KCNJ6: variants seen among roughly 807,000 people sequenced by gnomAD.
KCNJ6 encodes G protein-activated inward rectifier potassium channel 2.
KCNJ6 carries 9 observed loss-of-function variants against 34.2 expected under a neutral mutation model. That is an observed-to-expected ratio of 0.26 (90% CI 0.16 to 0.46). The LOEUF (loss-of-function observed/expected upper bound fraction) is 0.46, where lower values mean the gene tolerates loss of function less well. KCNJ6 is among the 20% of genes least tolerant of loss of function. KCNJ6 has a pLI of 1.00. For missense variants in KCNJ6, 236 were observed against 531.3 expected (o/e 0.44, Z 5.46); for synonymous variants, 196 against 207.1 (o/e 0.95, Z 0.46).
At chr21:37,837,372 T>G (rs937682014) in intron 2 of KCNJ6, among the ~76,000 whole-genome samples, 10 of 152,256 alleles carry the variant, frequency 6.6e-5, no homozygotes, top group Admixed American at 2.0e-4. Flanking sequence ...ATCAAACATT[T>G]AAAATCTATC....
rs2054278545 is a variant in KCNJ6, at chr21:37,617,972, T to C, written c.*7187A>G. The C allele has an allele frequency of 6.6e-6, 1 of 152,238 alleles. No individual in the cohort carries two copies. The highest frequency in any genetic ancestry group is 1.5e-5 in the Non-Finnish European group (1 of 68,086). 9.4% of individuals were successfully genotyped at this position (152,238 alleles called of 1,614,324 possible). A position where few individuals can be genotyped will look rare whatever the true frequency, so the allele number is the denominator to read the frequency against. ...GGAAGATACTTCTAGGGGGTCATTG[T>C]CCAGATGGGCAAGAGCCAGACCCTG... On this transcript the variant is annotated 3_prime_UTR_variant, in exon 4 of 4. Coordinates refer to ENST00000609713, the MANE Select transcript of KCNJ6 (RefSeq NM_002240.5).
intron 1 of KCNJ6, among the ~76,000 whole-genome samples, chr21:37,890,572 T>G (rs1258315192): frequency 6.6e-6 from 1 of 152,220 alleles, no homozygotes; most frequent in African/African-American, 2.4e-5. Context: ...CTGACCTGCC[T>G]TCAGCTGCAT....
chr21:37,855,194 TTC>T (rs1318989323), intron 1 of KCNJ6, among the ~76,000 whole-genome samples: 3 of 152,240 alleles, frequency 2.0e-5, no homozygotes, highest in African/African-American at 7.2e-5. Context: ...TTTCTTCTTT[TTC>T]TCTTTTTTAC....
At chr21:37,680,525 T>A (rs1312675321) in intron 3 of KCNJ6, among the ~76,000 whole-genome samples, 1 of 152,106 alleles carries the variant, frequency 6.6e-6, no homozygotes, top group Non-Finnish European at 1.5e-5. Context: ...TCCGTGAGAG[T>A]GGTTCTGGAT....
At chr21:37,802,342 A>G (rs747774136) in intron 2 of KCNJ6, among the ~76,000 whole-genome samples, 1 of 151,558 alleles carries the variant, frequency 6.6e-6, no homozygotes, top group East Asian at 2.0e-4. Flanking sequence ...GTTTCCTTAC[A>G]TGGTGAAAAG....
intron 1 of KCNJ6, among the ~76,000 whole-genome samples, chr21:37,888,100 A>G (rs2055744529): frequency 6.6e-6 from 1 of 152,254 alleles, no homozygotes; most frequent in African/African-American, 2.4e-5. Flanking sequence ...TGACAGGCCC[A>G]TGAAAACCAA....
At chr21:37,872,034 T>C (rs1322704129) in intron 1 of KCNJ6, among the ~76,000 whole-genome samples, 1 of 152,118 alleles carries the variant, frequency 6.6e-6, no homozygotes, top group African/African-American at 2.4e-5. Flanking sequence ...TGACGGGGAT[T>C]GTGGGAGAAG....
At chr21:37,881,473 GA>G (rs2055707907) in intron 1 of KCNJ6, among the ~76,000 whole-genome samples, 2 of 16,394 alleles carry the variant, frequency 1.2e-4, no homozygotes, top group Non-Finnish European at 2.3e-4. Flanking sequence ...TCTGCATGGA[GA>G]GAGAGAGAGA....
At chr21:37,807,839 G>A (rs1241209521) in intron 2 of KCNJ6, among the ~76,000 whole-genome samples, 1 of 152,204 alleles carries the variant, frequency 6.6e-6, no homozygotes, top group Non-Finnish European at 1.5e-5. Flanking sequence ...ACATGGTTGT[G>A]CCTTGGAGCC....
In KCNJ6 at chr21:37,705,068, C is replaced by T. The variant is rs548716264; in HGVS notation, c.946+9143G>A. Among the ~76,000 whole-genome samples, 3 of 152,306 alleles carry T rather than the reference C, an allele frequency of 2.0e-5. No homozygotes were observed. In the South Asian group the frequency reaches 6.2e-4, roughly 32 times the overall value. ...AACTGTTATGCAAGACTGGATCATT[C>T]CTGCCTGCCTCCTGCAGTCAGGAAA... is the stretch of plus-strand genomic sequence containing the variant. On this transcript the variant is annotated intron_variant, in intron 3 of 3. Coordinates refer to ENST00000609713, the MANE Select transcript of KCNJ6 (RefSeq NM_002240.5).
chr21:37,776,348 C>T (rs1329007196), intron 2 of KCNJ6, among the ~76,000 whole-genome samples: 1 of 152,136 alleles, frequency 6.6e-6, no homozygotes, highest in African/African-American at 2.4e-5. Flanking sequence ...TTACCTTCTC[C>T]TGCCTGATTT....
At chr21:37,819,645 A>G (rs1390571561) in intron 2 of KCNJ6, among the ~76,000 whole-genome samples, 1 of 152,098 alleles carries the variant, frequency 6.6e-6, no homozygotes, top group Non-Finnish European at 1.5e-5. Flanking sequence ...CTTTACCTAC[A>G]TTGTTTTGTA....
intron 3 of KCNJ6, among the ~76,000 whole-genome samples, chr21:37,682,984 T>G (rs1414290837): frequency 6.6e-6 from 1 of 152,148 alleles, no homozygotes; most frequent in African/African-American, 2.4e-5. Context: ...GGAACCGCGC[T>G]TCGGCCAAAT....
chr21:37,825,981 T>C (rs1049992863), intron 2 of KCNJ6, among the ~76,000 whole-genome samples: 2 of 152,076 alleles, frequency 1.3e-5, no homozygotes, highest in African/African-American at 4.8e-5. Flanking sequence ...CAATTCAAGA[T>C]GAGATTTGGG....
chr21:37,616,363 G>A lies in KCNJ6; in HGVS notation c.*8796C>T, dbSNP rs1311998691. Reference sequence around the variant, plus strand: ...TCTCTGTGTGGCTCTTGGTTAAGACGAGGAAGCACTGGGCTGAATAAAGAT... The same window carrying A: ...TCTCTGTGTGGCTCTTGGTTAAGACAAGGAAGCACTGGGCTGAATAAAGAT... On this transcript the variant is annotated 3_prime_UTR_variant, in exon 4 of 4. Coordinates refer to ENST00000609713, the MANE Select transcript of KCNJ6 (RefSeq NM_002240.5). 6.6e-6 allele frequency: 1 copy of A among 151,594 alleles called. No individual in the cohort carries two copies. Among genetic ancestry groups the A allele is most frequent in the Non-Finnish European group, 1.5e-5 (1 of 67,920 alleles). The allele number at this position is 151,594 out of a possible 1,614,324, so 9.4% of individuals were successfully genotyped here. A position where few individuals can be genotyped will look rare whatever the true frequency, so the allele number is the denominator to read the frequency against.
At chr21:37,833,587 C>A (rs35703955) in intron 2 of KCNJ6, among the ~76,000 whole-genome samples, 27,809 of 152,066 alleles carry the variant, frequency 0.18, 2,586 homozygotes, top group South Asian at 0.29. Context: ...GCCTCCGAGA[C>A]TGTGGGGGTC....
At chr21:37,880,203 G>T (rs2055700745) in intron 1 of KCNJ6, among the ~76,000 whole-genome samples, 1 of 152,140 alleles carries the variant, frequency 6.6e-6, no homozygotes, top group African/African-American at 2.4e-5. Context: ...CTTGAACCCA[G>T]GAGGGAGAGG....
At chr21:37,879,831 A>C (rs2055698412) in intron 1 of KCNJ6, among the ~76,000 whole-genome samples, 1 of 151,948 alleles carries the variant, frequency 6.6e-6, no homozygotes, top group Admixed American at 6.6e-5. Flanking sequence ...GGTTGGATAA[A>C]AATATTTTCC....
chr21:37,801,506 C>A (rs368892391), intron 2 of KCNJ6, among the ~76,000 whole-genome samples: 13 of 152,224 alleles, frequency 8.5e-5, no homozygotes, highest in African/African-American at 3.1e-4. Flanking sequence ...TCCACTTCAC[C>A]CTCACGGGCA....
Sources: gnomAD v4.1 joint callset for allele counts (sites outside exome capture counted in the v4.1 genomes callset) on GRCh38, gnomAD v4.1.1 for gene constraint, MANE v1.5 for transcripts, NCBI Gene and HGNC (gene_info 2026-07-23, HGNC 2026-07-21) for gene names.